CAMK4: variants seen among roughly 807,000 people sequenced by gnomAD.
CAMK4 encodes the protein calcium/calmodulin dependent protein kinase IV, also known as calcium/calmodulin-dependent protein kinase type IV.
A neutral mutation model predicts 44.9 loss-of-function variants in CAMK4; 22 were observed. The ratio of observed to expected loss-of-function variants is 0.49; its 90% CI spans 0.35 to 0.70. The LOEUF (loss-of-function observed/expected upper bound fraction) is 0.70, where lower values mean the gene tolerates loss of function less well. Among genes scored for constraint, CAMK4 ranks in the 30% least tolerant of loss-of-function variants. The pLI, the probability that CAMK4 is intolerant of heterozygous loss-of-function variation, is 0.01. For synonymous variants in CAMK4, 218 were observed against 215.4 expected, an observed-to-expected ratio of 1.01 and a Z score of -0.11; for missense variants, 498 against 586.8, an observed-to-expected ratio of 0.85 and a Z score of 1.56.
At chr5:111,462,402 G>T (rs1754675435) in intron 7 of CAMK4, among the ~76,000 whole-genome samples, 1 of 152,148 alleles carries the variant, frequency 6.6e-6, no homozygotes, top group African/African-American at 2.4e-5. Context: ...AAAAAGACTT[G>T]TTCTCTTTAA....
At chr5:111,381,447 C>T (rs185608327) in intron 4 of CAMK4, among the ~76,000 whole-genome samples, 50 of 152,212 alleles carry the variant, frequency 3.3e-4, no homozygotes, top group East Asian at 1.4e-3. Flanking sequence ...GTCCAAGAGT[C>T]GGAAAGCTGA....
At chr5:111,373,684 A>G (rs1381006354) in intron 2 of CAMK4, among the ~76,000 whole-genome samples, 2 of 152,148 alleles carry the variant, frequency 1.3e-5, no homozygotes, top group African/African-American at 2.4e-5. Flanking sequence ...CCCATTTCCC[A>G]TTTGAAGCAG....
rs1243468051 is a variant in CAMK4, at chr5:111,490,218, C to G, written c.*5752C>G. 1 of 152,204 alleles carries G rather than the reference C, an allele frequency of 6.6e-6. No homozygotes were observed. The highest frequency in any genetic ancestry group is 2.4e-5 in the African/African-American group (1 of 41,446). 9.4% of individuals were successfully genotyped at this position (152,204 alleles called of 1,614,324 possible). ...AGCGGTTGTTTTCCCTGAGCTCTCT[C>G]TCAACTTTGACAGTTTGTGAATGAT... is the stretch of plus-strand genomic sequence containing the variant. On this transcript the variant is annotated 3_prime_UTR_variant, in exon 11 of 11. Transcript: ENST00000282356.
chr5:111,407,067 C>A lies in CAMK4; in HGVS notation c.459+12285C>A, dbSNP rs528967692. ...TAATAGTGGCAGCATGAAAGAAAAA[C>A]ACAAGGCCGGGTGCGATGGCTCATG... is the stretch of plus-strand genomic sequence containing the variant. On this transcript the variant is annotated intron_variant, in intron 5 of 10. Coordinates refer to ENST00000282356, the MANE Select transcript of CAMK4 (RefSeq NM_001744.6). Among the ~76,000 whole-genome samples the A allele has an allele frequency of 2.6e-5, 4 of 152,180 alleles. No individual in the cohort carries two copies. In the South Asian group the frequency reaches 8.3e-4, roughly 32 times the overall value.
rs538145969 is a variant in CAMK4, at chr5:111,318,262, G to A, written c.162-25762G>A. 4.1e-4 allele frequency among the ~76,000 whole-genome samples: 62 copies of A among 152,258 alleles called. 1 individual carries two copies. The South Asian group carries it at 0.012, about 30-fold the overall frequency. ...TGGATTTAAAGTTGGCAAAGTGTATGGCTAGGTGGATCACAATTCTTTATG... is the reference window on the plus strand; with the variant it reads ...TGGATTTAAAGTTGGCAAAGTGTATAGCTAGGTGGATCACAATTCTTTATG... On this transcript the variant is annotated intron_variant, in intron 1 of 10. Coordinates refer to ENST00000282356, the MANE Select transcript of CAMK4 (RefSeq NM_001744.6).
chr5:111,350,417 A>G (rs1750047974), intron 2 of CAMK4, among the ~76,000 whole-genome samples: 1 of 152,096 alleles, frequency 6.6e-6, no homozygotes, highest in African/African-American at 2.4e-5. Flanking sequence ...GTTTTGGAGT[A>G]CTTTTGAAAT....
chr5:111,479,970 T>C (rs1755375658), intron 9 of CAMK4, among the ~76,000 whole-genome samples: 1 of 152,082 alleles, frequency 6.6e-6, no homozygotes, highest in Non-Finnish European at 1.5e-5. Context: ...AGGGATGGTC[T>C]TATAAATAAA....
chr5:111,456,466 C>T (rs889225115), intron 7 of CAMK4, among the ~76,000 whole-genome samples: 1 of 150,528 alleles, frequency 6.6e-6, no homozygotes, highest in Admixed American at 6.7e-5. Flanking sequence ...ACTCCAGCCT[C>T]GGCGACAGAG....
chr5:111,352,475 TGTTA>T (rs562920021), intron 2 of CAMK4, among the ~76,000 whole-genome samples: 105 of 152,062 alleles, frequency 6.9e-4, no homozygotes, highest in Non-Finnish European at 1.3e-3. Context: ...TTTACTACTA[TGTTA>T]GTTTGTTTTG....
At chr5:111,372,428 T>C (rs1299927489) in intron 2 of CAMK4, among the ~76,000 whole-genome samples, 1 of 152,134 alleles carries the variant, frequency 6.6e-6, no homozygotes, top group African/African-American at 2.4e-5. Context: ...TGAGATTAGA[T>C]AGATGTTGAG....
chr5:111,260,057 A>G (rs1749910458), intron 1 of CAMK4, among the ~76,000 whole-genome samples: 1 of 152,174 alleles, frequency 6.6e-6, no homozygotes, highest in Admixed American at 6.5e-5. Flanking sequence ...TAATGTCATA[A>G]ATAATAGCCG....
chr5:111,350,347 A>G (rs1274313030), intron 2 of CAMK4, among the ~76,000 whole-genome samples: 2 of 152,106 alleles, frequency 1.3e-5, no homozygotes, highest in East Asian at 3.9e-4. Context: ...TTTAAAGTCA[A>G]ACAGTGAGTA....
chr5:111,236,841 T>C (rs1437109347), intron 1 of CAMK4, among the ~76,000 whole-genome samples: 1 of 152,214 alleles, frequency 6.6e-6, no homozygotes. Context: ...TTATTCCTAC[T>C]ACTAGGCCCA....
At chr5:111,376,969 CAGAAAGGTTT>C (rs775274630) in intron 4 of CAMK4, 27 bp downstream of exon 4, 84 of 1,469,574 alleles carry the variant, frequency 5.7e-5, no homozygotes, top group Non-Finnish European at 3.6e-5. Flanking sequence ...AATATAACCA[CAGAAAGGTTT>C]GCTTTTGGCC....
chr5:111,249,670 G>A (rs10690158), intron 1 of CAMK4, among the ~76,000 whole-genome samples: 11,364 of 63,254 alleles, frequency 0.18, 579 homozygotes, highest in African/African-American at 0.23. Flanking sequence ...ATATATATGT[G>A]TGTGTGTGTG....
intron 4 of CAMK4, among the ~76,000 whole-genome samples, chr5:111,378,954 C>T (rs1320483136): frequency 6.6e-6 from 1 of 151,726 alleles, no homozygotes; most frequent in Non-Finnish European, 1.5e-5. Flanking sequence ...TGGGTATTGC[C>T]ACAATATGCC....
intron 1 of CAMK4, among the ~76,000 whole-genome samples, chr5:111,263,312 A>G (rs943234471): frequency 6.6e-6 from 1 of 152,222 alleles, no homozygotes; most frequent in African/African-American, 2.4e-5. Context: ...TTAATGGTAA[A>G]GTTGGATGGA....
At chr5:111,253,410 A>G (rs1415229922) in intron 1 of CAMK4, among the ~76,000 whole-genome samples, 3 of 152,064 alleles carry the variant, frequency 2.0e-5, no homozygotes, top group Non-Finnish European at 4.4e-5. Flanking sequence ...AGTTCCGGAC[A>G]GGGTTGGGCT....
rs140543416 is a variant in CAMK4, at chr5:111,421,412, G to A, written c.460-25274G>A. On this transcript the variant is annotated intron_variant, in intron 5 of 10. Transcript: ENST00000282356. ...ATTTTTCAAAGGGAGCAATAAGAGT[G>A]CTAGTTTCATTTGGGCAGGGCAATT... 1.5e-3 allele frequency among the ~76,000 whole-genome samples: 225 copies of A among 152,286 alleles called. 1 individual carries two copies. The highest frequency in any genetic ancestry group is 5.2e-3 in the African/African-American group (216 of 41,552).
Sources: allele counts gnomAD v4.1 joint callset (sites outside exome capture counted in the v4.1 genomes callset), GRCh38; gene constraint gnomAD v4.1.1; transcripts MANE v1.5; gene names NCBI Gene and HGNC (gene_info 2026-07-23, HGNC 2026-07-21).